The following RAB28 variants were observed in gnomAD, a reference collection of about 807,000 sequenced individuals.
RAB28 encodes the protein ras-related protein Rab-28.
RAB28 carries 24 observed loss-of-function variants against 31.7 expected under a neutral mutation model. The observed-to-expected ratio is 0.76, with a 90% CI of 0.55 to 1.06. The LOEUF is 1.06. Ranked by LOEUF, RAB28 falls within the 50% of genes least tolerant of loss-of-function variation. The pLI, the probability that RAB28 is intolerant of heterozygous loss-of-function variation, is 0.00. For synonymous variants in RAB28, 100 were observed against 90.4 expected (o/e 1.11, Z -0.60); for missense variants, 254 against 258.5 (o/e 0.98, Z 0.12).
chr4:13,429,516 G>C (rs1713689582), intron 4 of RAB28, among the ~76,000 whole-genome samples: 1 of 152,042 alleles, frequency 6.6e-6, no homozygotes, highest in Non-Finnish European at 1.5e-5. Context: ...AATTAAGAAA[G>C]CATTTCCATT....
intron 4 of RAB28, among the ~76,000 whole-genome samples, chr4:13,443,876 A>C (rs9999943): frequency 0.017 from 2,558 of 152,138 alleles, 69 homozygotes; most frequent in African/African-American, 0.058. Flanking sequence ...CAACTATTCT[A>C]TTCTTTGTTT....
chr4:13,415,194 T>C (rs960206095), intron 4 of RAB28, among the ~76,000 whole-genome samples: 1 of 152,190 alleles, frequency 6.6e-6, no homozygotes, highest in African/African-American at 2.4e-5. Context: ...CACAATCACA[T>C]ATAAATGCTG....
At chr4:13,421,837 A>G (rs1302157775) in intron 4 of RAB28, among the ~76,000 whole-genome samples, 2 of 152,190 alleles carry the variant, frequency 1.3e-5, no homozygotes, top group Non-Finnish European at 2.9e-5. Context: ...GGACACAGGC[A>G]TGGGCAAGGA....
In RAB28 at chr4:13,376,558, A is replaced by C; in HGVS notation, c.560T>G (p.Ile187Arg). ...ILGIKLNKAEIEQSQRVVKAD... is the reference protein window; with the variant it reads ...ILGIKLNKAEREQSQRVVKAD... The stretch of plus-strand genomic sequence containing the variant: ...CAAGGTAATCACCTGTGACTGTTCT[A>C]TTTCTGCTTTGTTTAATTTGATCCC... Residue 187 changes from isoleucine to arginine, a missense_variant, in exon 6 of 7, where the codon ATA (isoleucine) becomes AGA (arginine). By Grantham distance (97) the Ile-to-Arg change is moderately conservative. Transcript: ENST00000330852. 6.2e-7 allele frequency: 1 copy of C among 1,603,002 alleles called. No homozygotes were observed. The highest frequency in any genetic ancestry group is 8.5e-7 in the Non-Finnish European group (1 of 1,175,862).
intron 6 of RAB28, among the ~76,000 whole-genome samples, chr4:13,369,419 ATCTCT>A (rs765242884): frequency 1.2e-3 from 176 of 152,292 alleles, no homozygotes; most frequent in South Asian, 3.9e-3. Flanking sequence ...CTTAATATTC[ATCTCT>A]AAGTAATACT....
At chr4:13,398,906 T>G (rs148464373) in intron 4 of RAB28, among the ~76,000 whole-genome samples, 68 of 151,682 alleles carry the variant, frequency 4.5e-4, no homozygotes, top group Non-Finnish European at 7.1e-4. Flanking sequence ...TGGGGAGAGA[T>G]AGAACATTAT....
At chr4:13,378,164 T>C (rs1374260106) in intron 5 of RAB28, among the ~76,000 whole-genome samples, 1 of 152,106 alleles carries the variant, frequency 6.6e-6, no homozygotes, top group Non-Finnish European at 1.5e-5. Flanking sequence ...GGACTGAACC[T>C]TAGTTGGCTG....
At chr4:13,416,521 A>C (rs1266504992) in intron 4 of RAB28, among the ~76,000 whole-genome samples, 1 of 152,190 alleles carries the variant, frequency 6.6e-6, no homozygotes, top group Non-Finnish European at 1.5e-5. Context: ...TAAAAGATAA[A>C]TTCTAAGAGA....
chr4:13,406,687 C>T lies in RAB28; in HGVS notation c.392-25093G>A, dbSNP rs989467711. 6.6e-5 allele frequency among the ~76,000 whole-genome samples: 10 copies of T among 152,238 alleles called. No individual in the cohort carries two copies. In the East Asian group the frequency reaches 1.4e-3, roughly 21 times the overall value. On this transcript the variant is annotated intron_variant, in intron 4 of 6. Coordinates refer to ENST00000330852, the MANE Select transcript of RAB28 (RefSeq NM_001017979.3). ...TGTTGTTTCCTGACTTTTTAAAGATCGCCATTCTAACTGGCATGAGATGGT... is the reference window on the plus strand; with the variant it reads ...TGTTGTTTCCTGACTTTTTAAAGATTGCCATTCTAACTGGCATGAGATGGT...
In RAB28 at chr4:13,460,835, CAA is replaced by C. The variant is rs754113718; in HGVS notation, c.262-9_262-8del. 1.9e-6 allele frequency: 3 copies of C among 1,606,956 alleles called. No individual in the cohort carries two copies. Among genetic ancestry groups the C allele is most frequent in the East Asian group, 2.2e-5 (1 of 44,744 alleles). On this transcript the variant is annotated splice_region_variant and splice_polypyrimidine_tract_variant and intron_variant, in intron 3 of 6. Coordinates refer to ENST00000330852, the MANE Select transcript of RAB28 (RefSeq NM_001017979.3). ...CATATACCAAGAGGACTCCCTGTCA[CAA>C]AAGAGTTACAAAATATCTGTAATGT...
intron 4 of RAB28, among the ~76,000 whole-genome samples, chr4:13,402,828 G>A (rs1488421000): frequency 6.6e-6 from 1 of 151,752 alleles, no homozygotes; most frequent in East Asian, 1.9e-4. Flanking sequence ...AGGGTCTCAC[G>A]CTGTCTCCCA....
intron 2 of RAB28, among the ~76,000 whole-genome samples, chr4:13,476,959 T>C (rs753001469): frequency 1.1e-4 from 17 of 151,452 alleles, no homozygotes; most frequent in Admixed American, 6.6e-5. Context: ...AACAGTGACC[T>C]TGTAAAAGTA....
intron 4 of RAB28, among the ~76,000 whole-genome samples, chr4:13,411,521 T>C (rs1418674332): frequency 6.6e-6 from 1 of 152,118 alleles, no homozygotes; most frequent in African/African-American, 2.4e-5. Flanking sequence ...AAGGTAAAAA[T>C]CAAAAGTACA....
chr4:13,440,608 C>T (rs1714363953), intron 4 of RAB28, among the ~76,000 whole-genome samples: 1 of 151,960 alleles, frequency 6.6e-6, no homozygotes, highest in Non-Finnish European at 1.5e-5. Flanking sequence ...TTTCTACATG[C>T]TTCTAGCTTC....
At chr4:13,468,845 G>A (rs1307107145) in intron 3 of RAB28, among the ~76,000 whole-genome samples, 1 of 151,260 alleles carries the variant, frequency 6.6e-6, no homozygotes, top group African/African-American at 2.4e-5. Context: ...AAAACAAAGG[G>A]AGGGAGAGAG....
intron 4 of RAB28, among the ~76,000 whole-genome samples, chr4:13,423,492 A>G (rs1299461198): frequency 6.9e-6 from 1 of 144,980 alleles, no homozygotes; most frequent in African/African-American, 2.5e-5. Context: ...TCGGGGGGGA[A>G]AAAAAAAGGT....
At chr4:13,371,538 T>A in intron 6 of RAB28, 1 of 985,214 alleles carries the variant, frequency 1.0e-6, no homozygotes, top group Non-Finnish European at 1.2e-6. Context: ...CATTATTAAT[T>A]TTCATCAAAT....
At chr4:13,440,213 T>C (rs1050079529) in intron 4 of RAB28, among the ~76,000 whole-genome samples, 5 of 152,186 alleles carry the variant, frequency 3.3e-5, no homozygotes, top group African/African-American at 1.2e-4. Flanking sequence ...TGATATTTCA[T>C]ATGCTTCATA....
At chr4:13,401,159 G>A (rs142228429) in intron 4 of RAB28, among the ~76,000 whole-genome samples, 419 of 152,188 alleles carry the variant, frequency 2.8e-3, no homozygotes, top group African/African-American at 9.6e-3. Context: ...TACATGTTTG[G>A]TAGAATTTAC....
Sources: allele counts gnomAD v4.1 joint callset (sites outside exome capture counted in the v4.1 genomes callset), GRCh38; gene constraint gnomAD v4.1.1; transcripts MANE v1.5; gene names NCBI Gene and HGNC (gene_info 2026-07-23, HGNC 2026-07-21).